The following LEMD3 variants were observed in gnomAD, a reference collection of about 807,000 sequenced individuals.
The protein encoded by LEMD3 is LEM domain containing 3.
LEMD3 carries 33 observed loss-of-function variants against 95.2 expected under a neutral mutation model. The ratio of observed to expected loss-of-function variants is 0.35; its 90% CI spans 0.26 to 0.46. The LOEUF (loss-of-function observed/expected upper bound fraction) is 0.46. LEMD3 is among the 20% of genes least tolerant of loss of function. The probability of loss-of-function intolerance (pLI) is 1.00; values close to 1 mark genes in which losing one functional copy is unlikely to be tolerated. For synonymous variants in LEMD3, 525 were observed against 474.6 expected (o/e 1.11, Z -1.38); for missense variants, 1,210 against 1,192.8 (o/e 1.01, Z -0.21).
intron 1 of LEMD3, among the ~76,000 whole-genome samples, chr12:65,194,888 A>AGTTAT (rs1869378603): frequency 1.4e-5 from 1 of 69,816 alleles, no homozygotes; most frequent in Non-Finnish European, 4.6e-5. Flanking sequence ...ATAATTTATA[A>AGTTAT]AATTAAAATA....
At chr12:65,183,993 T>C (rs1868984995) in intron 1 of LEMD3, among the ~76,000 whole-genome samples, 1 of 152,152 alleles carries the variant, frequency 6.6e-6, no homozygotes, top group African/African-American at 2.4e-5. Flanking sequence ...GCTCAGCTCC[T>C]ATTGGCAAAA....
At position 65,246,175 on chromosome 12, in the gene LEMD3, A is replaced by C. The variant is rs754715782; in HGVS notation, c.2586A>C (p.Thr862=). The C allele has an allele frequency of 6.2e-7, 1 of 1,610,384 alleles. No individual in the cohort carries two copies. The highest frequency in any genetic ancestry group is 2.2e-5 in the East Asian group (1 of 44,850). The part of the protein sequence containing the change: ...HGSWFDGKLV[T]VKYLRLDRYH... The stretch of plus-strand genomic sequence containing the variant: ...ATCTTACAACAGGGAAATTGGTTAC[A>C]GTAAAATATTTACGACTAGATAGAT... The change falls in exon 13 of 13, where the codon ACA becomes ACC. Residue 862 remains threonine (T), a synonymous_variant. Coordinates refer to ENST00000308330, the MANE Select transcript of LEMD3 (RefSeq NM_014319.5).
intron 9 of LEMD3, among the ~76,000 whole-genome samples, chr12:65,242,995 C>T (rs1321668648): frequency 2.0e-5 from 3 of 152,138 alleles, no homozygotes; most frequent in Non-Finnish European, 4.4e-5. Flanking sequence ...GAGCTGTGTA[C>T]AAGCAATCAC....
At chr12:65,219,738 C>T (rs951228974) in intron 4 of LEMD3, among the ~76,000 whole-genome samples, 2 of 152,148 alleles carry the variant, frequency 1.3e-5, no homozygotes, top group Non-Finnish European at 2.9e-5. Context: ...TCCCTGGCAA[C>T]CACCATTTTA....
intron 1 of LEMD3, among the ~76,000 whole-genome samples, chr12:65,188,202 G>A (rs1450229413): frequency 6.6e-6 from 1 of 151,906 alleles, no homozygotes; most frequent in Non-Finnish European, 1.5e-5. Flanking sequence ...TTTTAATATT[G>A]GATAAAGGAT....
At chr12:65,235,210 C>T (rs1467832184) in intron 4 of LEMD3, among the ~76,000 whole-genome samples, 1 of 152,018 alleles carries the variant, frequency 6.6e-6, no homozygotes, top group African/African-American at 2.4e-5. Context: ...AGACTAAATG[C>T]AATAATGTTG....
chr12:65,213,031 A>G (rs1295804817), intron 2 of LEMD3, among the ~76,000 whole-genome samples: 1 of 152,216 alleles, frequency 6.6e-6, no homozygotes, highest in East Asian at 1.9e-4. Context: ...ACTTAATAGC[A>G]TGTATCATCA....
At chr12:65,180,981 T>G (rs1868884128) in intron 1 of LEMD3, among the ~76,000 whole-genome samples, 1 of 140,456 alleles carries the variant, frequency 7.1e-6, no homozygotes, top group Non-Finnish European at 1.5e-5. Context: ...TATCTGAGTA[T>G]GTACACAAAC....
intron 2 of LEMD3, among the ~76,000 whole-genome samples, chr12:65,214,601 C>G (rs928253407): frequency 1.3e-5 from 2 of 152,152 alleles, no homozygotes; most frequent in African/African-American, 4.8e-5. Flanking sequence ...TCTTCTGTCC[C>G]TGCACATACA....
chr12:65,200,825 A>T (rs1869576076), intron 1 of LEMD3, among the ~76,000 whole-genome samples: 1 of 152,082 alleles, frequency 6.6e-6, no homozygotes, highest in Admixed American at 6.6e-5. Context: ...ATGTCAGCTT[A>T]TCACTTCTTT....
chr12:65,197,755 A>G (rs1286864726), intron 1 of LEMD3, among the ~76,000 whole-genome samples: 1 of 151,942 alleles, frequency 6.6e-6, no homozygotes, highest in Non-Finnish European at 1.5e-5. Flanking sequence ...CCACCTCTAT[A>G]TGTTGTCTGT....
chr12:65,170,583 C>A lies in LEMD3; in HGVS notation c.987C>A (p.Asp329Glu), dbSNP rs1868506721. The change falls in exon 1 of 13, where the codon GAC becomes GAA. Residue 329 changes from aspartate to glutamate, a missense_variant. Physicochemically the swap from Asp to Glu is conservative, Grantham distance 45 (BLOSUM62 2). This residue lies in a region of LEMD3 where 749 missense variants were observed against 622.9 expected (regional missense o/e 1.20). Transcript: ENST00000308330. Reference sequence around the variant, plus strand: ...GGGCGGCGGCTGCCGGGAGTCTAGACAGGAGCCGAAACCTCGAAGAGGCGG... The same window carrying A: ...GGGCGGCGGCTGCCGGGAGTCTAGAAAGGAGCCGAAACCTCGAAGAGGCGG... Reference protein sequence around the residue: ...NDRAAAAGSLDRSRNLEEAAA... With the variant: ...NDRAAAAGSLERSRNLEEAAA... 9 of 1,613,852 alleles carry A rather than the reference C, an allele frequency of 5.6e-6. No homozygotes were observed. Among genetic ancestry groups the A allele is most frequent in the Non-Finnish European group, 6.8e-6 (8 of 1,179,960 alleles).
At chr12:65,219,672 A>G (rs1387656961) in intron 4 of LEMD3, among the ~76,000 whole-genome samples, 1 of 152,192 alleles carries the variant, frequency 6.6e-6, no homozygotes, top group East Asian at 1.9e-4. Context: ...TTCATCTTGT[A>G]TGACTGAAAC....
chr12:65,189,148 C>T lies in LEMD3; in HGVS notation c.1522+18030C>T, dbSNP rs552975893. 3.9e-5 allele frequency among the ~76,000 whole-genome samples: 6 copies of T among 152,146 alleles called. No individual in the cohort carries two copies. In the South Asian group the frequency reaches 1.2e-3, roughly 32 times the overall value. ...TAGCAATATACTAATAAAAGTTATG[C>T]GAATATGGTCTCTCTCAAAATATCT... On this transcript the variant is annotated intron_variant, in intron 1 of 12. Coordinates refer to ENST00000308330, the MANE Select transcript of LEMD3 (RefSeq NM_014319.5).
chr12:65,234,031 A>G (rs916038549), intron 4 of LEMD3, among the ~76,000 whole-genome samples: 1 of 152,224 alleles, frequency 6.6e-6, no homozygotes, highest in Non-Finnish European at 1.5e-5. Context: ...AACAATAGTA[A>G]TAAAAGTTGT....
At chr12:65,186,598 G>C (rs1363841688) in intron 1 of LEMD3, among the ~76,000 whole-genome samples, 1 of 149,294 alleles carries the variant, frequency 6.7e-6, no homozygotes, top group Non-Finnish European at 1.5e-5. Flanking sequence ...AAAAAAATAG[G>C]AGTATACTAT....
Position 65,170,490 on chromosome 12 carries a change from T to C in LEMD3, c.894T>C (p.Thr298=), listed in dbSNP as rs755750425. 10 of 1,612,848 alleles carry C rather than the reference T, an allele frequency of 6.2e-6. No individual in the cohort carries two copies. The highest frequency in any genetic ancestry group is 8.5e-6 in the Non-Finnish European group (10 of 1,179,626). The part of the protein sequence containing the change: ...RTHSKPLPPL[T]AKSAGGRLET... The stretch of plus-strand genomic sequence containing the variant: ...ATAGTAAGCCTCTCCCCCCGCTGAC[T>C]GCTAAATCGGCCGGCGGCAGGCTGG... The change falls in exon 1 of 13, where the codon ACT becomes ACC. Residue 298 remains threonine (T), a synonymous_variant. Transcript: ENST00000308330.
intron 10 of LEMD3, chr12:65,245,425 C>G (rs533749332): frequency 2.2e-6 from 1 of 449,690 alleles, no homozygotes; most frequent in South Asian, 2.2e-5. Flanking sequence ...AGGCATGAGC[C>G]ACCGCGCCTG....
chr12:65,240,788 T>C (rs1301322136), intron 8 of LEMD3, 121 bp from the exon 9 acceptor site: 6 of 870,766 alleles, frequency 6.9e-6, no homozygotes, highest in Non-Finnish European at 1.1e-5. Context: ...AAATCTTCTT[T>C]GAACAAACTC....
Sources: gnomAD v4.1 joint callset for allele counts (sites outside exome capture counted in the v4.1 genomes callset) on GRCh38, gnomAD v4.1.1 for gene constraint, gnomAD v4.1.1 regional missense constraint, MANE v1.5 for transcripts, NCBI Gene and HGNC (gene_info 2026-07-23, HGNC 2026-07-21) for gene names.